PTPRT: variants seen among roughly 807,000 people sequenced by gnomAD.
PTPRT encodes the protein receptor-type tyrosine-protein phosphatase T.
Under a neutral mutation model 176.8 loss-of-function variants are expected in PTPRT, and 56 were observed. The ratio of observed to expected loss-of-function variants is 0.32; its 90% CI spans 0.26 to 0.40. PTPRT has a LOEUF of 0.40. PTPRT is among the 10% of genes least tolerant of loss of function. PTPRT has a pLI of 1.00. For missense variants in PTPRT, 1,540 were observed against 1,908.2 expected (o/e 0.81, Z 3.60); for synonymous variants, 783 against 739.0 (o/e 1.06, Z -0.96).
intron 1 of PTPRT, among the ~76,000 whole-genome samples, chr20:43,077,142 A>T (rs2011299627): frequency 6.6e-6 from 1 of 152,234 alleles, no homozygotes; most frequent in African/African-American, 2.4e-5. Flanking sequence ...GTGGAATTTG[A>T]TGAATAAACA....
At chr20:42,699,777 C>T (rs1049088151) in intron 6 of PTPRT, among the ~76,000 whole-genome samples, 4 of 152,174 alleles carry the variant, frequency 2.6e-5, no homozygotes, top group African/African-American at 4.8e-5. Context: ...CTCCTCACTA[C>T]GCCAAGTACA....
chr20:42,202,166 T>C (rs1991479021), intron 15 of PTPRT, among the ~76,000 whole-genome samples: 1 of 152,122 alleles, frequency 6.6e-6, no homozygotes, highest in African/African-American at 2.4e-5. Context: ...GACAGCGTTT[T>C]ACCATATTGC....
At chr20:43,157,749 G>T (rs994500246) in intron 1 of PTPRT, among the ~76,000 whole-genome samples, 9 of 152,166 alleles carry the variant, frequency 5.9e-5, no homozygotes, top group African/African-American at 2.2e-4. Context: ...AAGGAGGCAA[G>T]GGAGTTAGCC....
At chr20:42,874,775 A>C (rs1445590773) in intron 2 of PTPRT, among the ~76,000 whole-genome samples, 2 of 152,228 alleles carry the variant, frequency 1.3e-5, no homozygotes, top group Non-Finnish European at 2.9e-5. Context: ...ATGTAAAAAC[A>C]TGTAAAGCCC....
At chr20:42,892,758 A>T (rs1405952772) in intron 1 of PTPRT, among the ~76,000 whole-genome samples, 7 of 152,194 alleles carry the variant, frequency 4.6e-5, no homozygotes. Flanking sequence ...GGGGGAAGGG[A>T]CTGAGACCAC....
Position 42,076,970 on chromosome 20 carries a change from C to T in PTPRT, c.*3909G>A, listed in dbSNP as rs1435390423. On this transcript the variant is annotated 3_prime_UTR_variant, in exon 31 of 31. Coordinates refer to ENST00000373187, the MANE Select transcript of PTPRT (RefSeq NM_007050.6). ...ATACAATGGTGGAAAAATATTGTCT[C>T]TGTAGTGAGAAAAAACCGGTTTAAA... 1.0e-5 allele frequency: 2 copies of T among 194,408 alleles called. No individual in the cohort carries two copies. Among genetic ancestry groups the T allele is most frequent in the Non-Finnish European group, 2.1e-5 (2 of 93,352 alleles). 12.0% of individuals were successfully genotyped at this position (194,408 alleles called of 1,614,324 possible).
chr20:42,528,454 A>G (rs752197803), intron 7 of PTPRT, among the ~76,000 whole-genome samples: 3 of 151,948 alleles, frequency 2.0e-5, no homozygotes, highest in Non-Finnish European at 4.4e-5. Flanking sequence ...TAATAAATGG[A>G]TAATGAATGG....
intron 16 of PTPRT, among the ~76,000 whole-genome samples, chr20:42,167,996 GTATGT>G (rs907992820): frequency 6.6e-5 from 10 of 152,268 alleles, no homozygotes; most frequent in African/African-American, 1.4e-4. Context: ...CACACATGTT[GTATGT>G]TATATGTGTT....
intron 9 of PTPRT, among the ~76,000 whole-genome samples, chr20:42,424,898 C>T (rs1028469058): frequency 1.1e-4 from 17 of 150,392 alleles, no homozygotes; most frequent in Admixed American, 6.7e-5. Flanking sequence ...CTCTCTCTGA[C>T]GTATGCGTGG....
chr20:42,454,438 TG>T (rs2070886378), intron 8 of PTPRT, among the ~76,000 whole-genome samples: 1 of 152,222 alleles, frequency 6.6e-6, no homozygotes, highest in African/African-American at 2.4e-5. Flanking sequence ...TCCAAAGTGG[TG>T]GCAGCACTGC....
At chr20:42,823,795 G>T (rs958857503) in intron 2 of PTPRT, among the ~76,000 whole-genome samples, 16 of 151,602 alleles carry the variant, frequency 1.1e-4, no homozygotes, top group African/African-American at 3.9e-4. Context: ...TAGAAAGAAA[G>T]AAATTTTTTA....
chr20:42,532,809 G>T (rs941404932), intron 7 of PTPRT, among the ~76,000 whole-genome samples: 2 of 152,040 alleles, frequency 1.3e-5, no homozygotes, highest in African/African-American at 4.8e-5. Flanking sequence ...ATGGGCTCCA[G>T]GTATAAACCC....
the PTPRT span, chr20:42,063,478 T>C: frequency 6.6e-6 from 1 of 152,036 alleles, no homozygotes; most frequent in Non-Finnish European, 1.5e-5. Context: ...CCGAGGAAAA[T>C]TTCTCACCCA....
chr20:42,779,115 T>A (rs1333887861), intron 4 of PTPRT, among the ~76,000 whole-genome samples: 1 of 152,182 alleles, frequency 6.6e-6, no homozygotes, highest in Non-Finnish European at 1.5e-5. Flanking sequence ...ACAACGGCAT[T>A]CTAGTGCCAG....
intron 1 of PTPRT, among the ~76,000 whole-genome samples, chr20:42,887,968 T>C (rs958158526): frequency 1.3e-5 from 2 of 152,170 alleles, no homozygotes; most frequent in African/African-American, 4.8e-5. Flanking sequence ...CCTTCTGCCA[T>C]GTGCGGACTC....
At chr20:42,531,452 T>C (rs2072382622) in intron 7 of PTPRT, among the ~76,000 whole-genome samples, 1 of 152,226 alleles carries the variant, frequency 6.6e-6, no homozygotes, top group African/African-American at 2.4e-5. Flanking sequence ...ATGGCAGATA[T>C]GCCCGACTCA....
intron 1 of PTPRT, among the ~76,000 whole-genome samples, chr20:43,097,757 C>T (rs1450232922): frequency 6.6e-6 from 1 of 152,076 alleles, no homozygotes; most frequent in African/African-American, 2.4e-5. Flanking sequence ...ACACCTAAGC[C>T]CAGAGGGCAA....
chr20:42,034,558 G>A, the PTPRT span, among the ~76,000 whole-genome samples: 1 of 152,138 alleles, frequency 6.6e-6, no homozygotes, highest in Non-Finnish European at 1.5e-5. Flanking sequence ...GGACCTCACT[G>A]TTACAAGGAT....
chr20:42,835,383 G>A (rs929477814), intron 2 of PTPRT, among the ~76,000 whole-genome samples: 8 of 152,278 alleles, frequency 5.3e-5, no homozygotes, highest in African/African-American at 1.9e-4. Flanking sequence ...AACTTGGGAA[G>A]GTTTGTAAGT....
Sources: allele counts gnomAD v4.1 joint callset (sites outside exome capture counted in the v4.1 genomes callset), GRCh38; gene constraint gnomAD v4.1.1; transcripts MANE v1.5; gene names NCBI Gene and HGNC (gene_info 2026-07-23, HGNC 2026-07-21).